SKAP1: variants seen among roughly 807,000 people sequenced by gnomAD.
The protein encoded by SKAP1 is src kinase-associated phosphoprotein 1.
SKAP1 carries 44 observed loss-of-function variants against 58.5 expected under a neutral mutation model. The observed-to-expected ratio is 0.75, with a 90% CI of 0.59 to 0.97. The LOEUF is 0.97. Ranked by LOEUF, SKAP1 falls within the 50% of genes least tolerant of loss-of-function variation. The pLI, the probability that SKAP1 is intolerant of heterozygous loss-of-function variation, is 0.00. For missense variants in SKAP1, 390 were observed against 435.2 expected, an observed-to-expected ratio of 0.90 and a Z score of 0.92; for synonymous variants, 127 against 149.7, an observed-to-expected ratio of 0.85 and a Z score of 1.11.
At position 48,207,654 on chromosome 17, in the gene SKAP1, T is replaced by C. The variant is rs568801042; in HGVS notation, c.281-18154A>G. Among the ~76,000 whole-genome samples, 4 of 152,294 alleles carry C rather than the reference T, an allele frequency of 2.6e-5. 1 individual carries two copies. The highest frequency in any genetic ancestry group is 7.2e-5 in the African/African-American group (3 of 41,556). On this transcript the variant is annotated intron_variant, in intron 4 of 12. Coordinates refer to ENST00000336915, the MANE Select transcript of SKAP1 (RefSeq NM_003726.4). ...CTAATTTGCCTTAGCTCTTCCTACA[T>C]TGCAAGGGGACCCACAAAAGCAGGA...
rs1182634775 is a variant in SKAP1 at position 48,278,131 on chromosome 17, C to A, written c.280+67774G>T. 4.6e-5 allele frequency among the ~76,000 whole-genome samples: 7 copies of A among 152,134 alleles called. No homozygotes were observed. In the East Asian group the frequency reaches 1.3e-3, roughly 29 times the overall value. The stretch of plus-strand genomic sequence containing the variant: ...TAATATAGTCACTGTCATTACAAAG[C>A]CTTCTTTGTGCTAACTTCTTTGTTC... On this transcript the variant is annotated intron_variant, in intron 4 of 12. Coordinates refer to ENST00000336915, the MANE Select transcript of SKAP1 (RefSeq NM_003726.4).
At chr17:48,270,689 G>A (rs2065618853) in intron 4 of SKAP1, among the ~76,000 whole-genome samples, 1 of 152,000 alleles carries the variant, frequency 6.6e-6, no homozygotes, top group South Asian at 2.1e-4. Context: ...GAACAAGTAA[G>A]TCTTTAATGC....
Position 48,416,221 on chromosome 17 carries a change from T to C in SKAP1, c.46+13854A>G, listed in dbSNP as rs550264746. 7.3e-5 allele frequency among the ~76,000 whole-genome samples: 11 copies of C among 150,212 alleles called. No individual in the cohort carries two copies. The South Asian group carries it at 2.1e-3, about 29-fold the overall frequency. On this transcript the variant is annotated intron_variant, in intron 1 of 12. Coordinates refer to ENST00000336915, the MANE Select transcript of SKAP1 (RefSeq NM_003726.4). ...TCAATGATACCTGTATTTTTTTTTC[T>C]AGTTATAAGGAAAATGTTTCCTTTA... is the stretch of plus-strand genomic sequence containing the variant.
intron 1 of SKAP1, among the ~76,000 whole-genome samples, chr17:48,412,584 G>C (rs1048233713): frequency 1.3e-5 from 2 of 152,112 alleles, no homozygotes; most frequent in Non-Finnish European, 2.9e-5. Context: ...ACAGGAGGTG[G>C]AGTGTTAAAG....
chr17:48,363,268 T>C (rs1052888465), intron 3 of SKAP1, among the ~76,000 whole-genome samples: 1 of 152,190 alleles, frequency 6.6e-6, no homozygotes, highest in African/African-American at 2.4e-5. Context: ...GCACTGAGGC[T>C]GCAGCAAGGC....
At chr17:48,234,464 A>G (rs1383284808) in intron 4 of SKAP1, among the ~76,000 whole-genome samples, 1 of 152,252 alleles carries the variant, frequency 6.6e-6, no homozygotes, top group Admixed American at 6.5e-5. Flanking sequence ...AGGGCTAGAC[A>G]TGGACACCTG....
chr17:48,248,266 A>G (rs1235919579), intron 4 of SKAP1, among the ~76,000 whole-genome samples: 1 of 152,142 alleles, frequency 6.6e-6, no homozygotes, highest in East Asian at 1.9e-4. Context: ...ACGGTACTGT[A>G]TGAAAAACTA....
chr17:48,409,958 A>T (rs1366745966), intron 1 of SKAP1, among the ~76,000 whole-genome samples: 2 of 152,218 alleles, frequency 1.3e-5, no homozygotes, highest in Non-Finnish European at 2.9e-5. Context: ...TTACAAATCT[A>T]AGAAATAAAT....
chr17:48,134,374 A>G (rs1287422058), intron 12 of SKAP1, among the ~76,000 whole-genome samples: 2 of 152,170 alleles, frequency 1.3e-5, no homozygotes, highest in Non-Finnish European at 2.9e-5. Context: ...GCTGGAGTAC[A>G]GTGGCTTGAT....
At position 48,189,435 on chromosome 17, in the gene SKAP1, TCTC is replaced by T. The variant is rs1161835735; in HGVS notation, c.343_345del (p.Glu115del). On this transcript the variant is annotated inframe_deletion, in exon 5 of 13. Transcript: ENST00000336915. Reference sequence around the variant, plus strand: ...GTCTGACCAATACCTTTGCTTTTCTTCTCCAAGTATCCTTGCTTGATTACGTTA... The same window carrying T: ...GTCTGACCAATACCTTTGCTTTTCTTCAAGTATCCTTGCTTGATTACGTTA... The T allele has an allele frequency of 2.5e-6, 4 of 1,612,862 alleles. No homozygotes were observed. Among genetic ancestry groups the T allele is most frequent in the Non-Finnish European group, 3.4e-6 (4 of 1,179,426 alleles).
At chr17:48,280,843 A>G (rs1198863991) in intron 4 of SKAP1, among the ~76,000 whole-genome samples, 1 of 152,204 alleles carries the variant, frequency 6.6e-6, no homozygotes, top group East Asian at 1.9e-4. Flanking sequence ...TGTGTGTATC[A>G]GTAGTTTATC....
chr17:48,342,528 T>TA (rs1392370849), intron 4 of SKAP1, among the ~76,000 whole-genome samples: 1 of 152,010 alleles, frequency 6.6e-6, no homozygotes, highest in African/African-American at 2.4e-5. Context: ...AGTCATGACC[T>TA]AAACACAATA....
intron 1 of SKAP1, among the ~76,000 whole-genome samples, chr17:48,405,402 T>TTTCC (rs1491575327): frequency 1.0e-4 from 6 of 59,274 alleles, no homozygotes; most frequent in African/African-American, 3.9e-4. Context: ...CCTTTCTTTC[T>TTTCC]TTCTTTCTTT....
chr17:48,225,113 A>G (rs900854763), intron 4 of SKAP1, among the ~76,000 whole-genome samples: 1 of 152,202 alleles, frequency 6.6e-6, no homozygotes, highest in Non-Finnish European at 1.5e-5. Flanking sequence ...TTGTATTTCT[A>G]GTATGTACGC....
intron 4 of SKAP1, among the ~76,000 whole-genome samples, chr17:48,292,215 C>T (rs2065907649): frequency 6.6e-6 from 1 of 151,086 alleles, no homozygotes; most frequent in Non-Finnish European, 1.5e-5. Flanking sequence ...TAAAATCAGC[C>T]CTCTGGAAGC....
At chr17:48,216,648 T>C (rs1403122056) in intron 4 of SKAP1, among the ~76,000 whole-genome samples, 1 of 152,032 alleles carries the variant, frequency 6.6e-6, no homozygotes, top group African/African-American at 2.4e-5. Flanking sequence ...CACACCATCA[T>C]GCCAGGCTAA....
Position 48,141,397 on chromosome 17 carries a change from T to TGTTTTC in SKAP1, c.979-4061_979-4060insGAAAAC, listed in dbSNP as rs1567789356. Among the ~76,000 whole-genome samples, 11 of 149,698 alleles carry TGTTTTC rather than the reference T, an allele frequency of 7.3e-5. No individual in the cohort carries two copies. In the South Asian group the frequency reaches 2.3e-3, roughly 32 times the overall value. On this transcript the variant is annotated intron_variant, in intron 11 of 12. Coordinates refer to ENST00000336915, the MANE Select transcript of SKAP1 (RefSeq NM_003726.4). ...TGGTTTTTGTTTTTGTTTTTGTTTTTTTTGAGCCATAGCCCCTGTTGCCCA... is the reference window on the plus strand; with the variant it reads ...TGGTTTTTGTTTTTGTTTTTGTTTTTGTTTTCTTTGAGCCATAGCCCCTGTTGCCCA...
intron 4 of SKAP1, among the ~76,000 whole-genome samples, chr17:48,287,821 G>A (rs905400306): frequency 1.3e-5 from 2 of 152,084 alleles, no homozygotes; most frequent in Admixed American, 6.6e-5. Context: ...AAACGCAAGT[G>A]GAAAAGAAAG....
At chr17:48,270,967 G>T (rs1440285696) in intron 4 of SKAP1, among the ~76,000 whole-genome samples, 2 of 151,746 alleles carry the variant, frequency 1.3e-5, no homozygotes, top group Middle Eastern at 3.2e-3. Context: ...TTGGTGGGAG[G>T]GGGGCATGAA....
Sources: gnomAD v4.1 joint callset for allele counts (sites outside exome capture counted in the v4.1 genomes callset) on GRCh38, gnomAD v4.1.1 for gene constraint, MANE v1.5 for transcripts, NCBI Gene and HGNC (gene_info 2026-07-23, HGNC 2026-07-21) for gene names.